The following SIPA1L3 variants were observed in gnomAD, a reference collection of about 807,000 sequenced individuals.
SIPA1L3 encodes signal induced proliferation associated 1 like 3.
Under a neutral mutation model 150.1 loss-of-function variants are expected in SIPA1L3, and 59 were observed. The ratio of observed to expected loss-of-function variants is 0.39; its 90% CI spans 0.32 to 0.49. The LOEUF (loss-of-function observed/expected upper bound fraction) is 0.49, where lower values mean the gene tolerates loss of function less well. Among genes scored for constraint, SIPA1L3 ranks in the 20% least tolerant of loss-of-function variants. SIPA1L3 has a pLI of 0.86. For synonymous variants in SIPA1L3, 1,070 were observed against 1,077.6 expected (o/e 0.99, Z 0.14); for missense variants, 2,211 against 2,489.5 (o/e 0.89, Z 2.38).
chr19:38,090,254 C>T (rs1013442100), intron 4 of SIPA1L3, among the ~76,000 whole-genome samples: 6 of 148,194 alleles, frequency 4.0e-5, no homozygotes, highest in African/African-American at 7.5e-5. Flanking sequence ...TGCTTGAACC[C>T]GGGAGGCAGA....
rs1970045469 is a variant in SIPA1L3 at position 38,083,089 on chromosome 19, C to T, written c.1524C>T (p.Phe508=). 1 of 1,609,150 alleles carries T rather than the reference C, an allele frequency of 6.2e-7. No individual in the cohort carries two copies. The highest frequency in any genetic ancestry group is 8.5e-7 in the Non-Finnish European group (1 of 1,179,104). Residue 508 remains phenylalanine (F), a synonymous_variant, in exon 3 of 22, where the codon TTC becomes TTT. Transcript: ENST00000222345. ...GCGCCCGCTACTACCAGGATTACTT[C>T]GTGGGCAAAGGTGACGGATGGCGTG... ...DLGARYYQDY[F]VGKEHANYFG...
At chr19:38,165,394 C>G (rs1283440159) in intron 15 of SIPA1L3, among the ~76,000 whole-genome samples, 2 of 152,208 alleles carry the variant, frequency 1.3e-5, no homozygotes, top group South Asian at 2.1e-4. Context: ...GATTGGCACT[C>G]TGTGTCTCCC....
intron 10 of SIPA1L3, among the ~76,000 whole-genome samples, chr19:38,132,589 A>AG (rs1971338306): frequency 6.6e-6 from 1 of 151,190 alleles, no homozygotes; most frequent in Non-Finnish European, 1.5e-5. Context: ...CGTCTCAAAA[A>AG]AAAAAAAAAA....
chr19:38,030,600 A>ATT (rs1968625508), intron 2 of SIPA1L3, among the ~76,000 whole-genome samples: 1 of 127,440 alleles, frequency 7.8e-6, no homozygotes, highest in African/African-American at 3.4e-5. Context: ...ATTTACACAT[A>ATT]TTTTATATAT....
At position 38,082,102 on chromosome 19, in the gene SIPA1L3, T is replaced by C. The variant is rs756058039; in HGVS notation, c.537T>C (p.Cys179=). The C allele has an allele frequency of 1.9e-6, 3 of 1,609,688 alleles. No individual in the cohort carries two copies. ...GCAGCGAGATCACCCTCAGCGAGTG[T>C]GACGCGGAGGACGCGGGGGAGCCGC... ...RSSSEITLSE[C]DAEDAGEPRG... is the part of the protein sequence containing the mutation. The change falls in exon 3 of 22, where the codon TGT becomes TGC. Residue 179 remains cysteine (C), a synonymous_variant. Coordinates refer to ENST00000222345, the MANE Select transcript of SIPA1L3 (RefSeq NM_015073.3).
chr19:37,954,691 T>A (rs1246323791), intron 1 of SIPA1L3, among the ~76,000 whole-genome samples: 4 of 152,158 alleles, frequency 2.6e-5, no homozygotes, highest in Non-Finnish European at 2.9e-5. Flanking sequence ...CGGTTTCATA[T>A]GGAGTGGGAA....
At chr19:38,103,733 C>T (rs1452165677) in intron 6 of SIPA1L3, among the ~76,000 whole-genome samples, 1 of 151,146 alleles carries the variant, frequency 6.6e-6, no homozygotes, top group Non-Finnish European at 1.5e-5. Flanking sequence ...ACCATCCTGG[C>T]TAACAGGGTG....
intron 10 of SIPA1L3, among the ~76,000 whole-genome samples, chr19:38,136,980 T>C (rs908687721): frequency 3.3e-5 from 5 of 152,218 alleles, no homozygotes; most frequent in African/African-American, 1.2e-4. Context: ...CTCTGATTTG[T>C]TAAGCAGTTG....
intron 3 of SIPA1L3, among the ~76,000 whole-genome samples, chr19:38,086,454 C>G (rs1018669850): frequency 6.6e-6 from 1 of 151,792 alleles, no homozygotes; most frequent in Non-Finnish European, 1.5e-5. Flanking sequence ...TTTCGGAGGC[C>G]GAGGTAGGAT....
Position 38,117,316 on chromosome 19 carries a change from G to A in SIPA1L3, c.2292-1990G>A, listed in dbSNP as rs369756642. On this transcript the variant is annotated intron_variant, in intron 8 of 21. Transcript: ENST00000222345. ...GCAGGAGACAGATCCCAGTCCGCTC[G>A]CTGCTATAAGGATCACCTAGGGGCT... Among the ~76,000 whole-genome samples, 37 of 152,192 alleles carry A rather than the reference G, an allele frequency of 2.4e-4. No individual in the cohort carries two copies. In the East Asian group the frequency reaches 5.4e-3, roughly 22 times the overall value.
chr19:38,068,604 A>T (rs1202438461), intron 2 of SIPA1L3, among the ~76,000 whole-genome samples: 1 of 152,148 alleles, frequency 6.6e-6, no homozygotes, highest in Non-Finnish European at 1.5e-5. Flanking sequence ...TTGCACCTGT[A>T]ACCCCAGCAT....
intron 16 of SIPA1L3, among the ~76,000 whole-genome samples, chr19:38,188,845 C>G (rs1333680215): frequency 6.6e-6 from 1 of 151,692 alleles, no homozygotes; most frequent in African/African-American, 2.4e-5. Flanking sequence ...ATGGCGTGAA[C>G]CTCGGAGGCG....
chr19:38,123,852 C>T (rs1287706281), intron 9 of SIPA1L3, among the ~76,000 whole-genome samples: 9 of 121,666 alleles, frequency 7.4e-5, no homozygotes, highest in South Asian at 2.6e-4. Flanking sequence ...CGGGCAGAGG[C>T]GCCCCTCACC....
chr19:38,164,607 G>C lies in SIPA1L3; in HGVS notation c.3909G>C (p.Lys1303Asn). 6.2e-7 allele frequency: 1 copy of C among 1,614,130 alleles called. No homozygotes were observed. Among genetic ancestry groups the C allele is most frequent in the Non-Finnish European group, 8.5e-7 (1 of 1,180,006 alleles). The change falls in exon 15 of 22, where the codon AAG becomes AAC. Residue 1303 changes from lysine to asparagine, a missense_variant. This residue lies in a region of SIPA1L3 where 806 missense variants were observed against 870.1 expected (regional missense o/e 0.93). Coordinates refer to ENST00000222345, the MANE Select transcript of SIPA1L3 (RefSeq NM_015073.3). The surrounding 1 kb of genome is among the most constrained non-coding windows in gnomAD (Gnocchi z 4.1). ...PLEPEQDPLS[K>N]GGSSDSGIDT... The stretch of plus-strand genomic sequence containing the variant: ...AGCCAGAGCAAGACCCCCTCTCCAA[G>C]GGTGGCTCTAGTGACAGCGGCATCG...
intron 1 of SIPA1L3, among the ~76,000 whole-genome samples, chr19:38,003,566 G>A (rs1406608870): frequency 1.3e-5 from 2 of 152,104 alleles, no homozygotes; most frequent in Admixed American, 6.6e-5. Context: ...CGAGTTTCCC[G>A]TGCCACCGCC....
chr19:38,048,220 C>T (rs528684137), intron 2 of SIPA1L3, among the ~76,000 whole-genome samples: 1 of 152,260 alleles, frequency 6.6e-6, no homozygotes, highest in East Asian at 1.9e-4. Flanking sequence ...AGTAACAACC[C>T]TGGCACCATC....
intron 2 of SIPA1L3, among the ~76,000 whole-genome samples, chr19:38,054,773 G>GCCT (rs35615330): frequency 0.32 from 48,487 of 151,796 alleles, 8,879 homozygotes; most frequent in African/African-American, 0.5. Context: ...CTCCCACACA[G>GCCT]CCGTGAAGCC....
At position 38,106,558 on chromosome 19, in the gene SIPA1L3, C is replaced by G. The variant is rs758324473; in HGVS notation, c.2051C>G (p.Ser684Cys). The change falls in exon 7 of 22, where the codon TCC (serine) becomes TGC (cysteine). Residue 684 changes from serine to cysteine, a missense_variant. Physicochemically the swap from Ser to Cys is moderately radical, Grantham distance 112. Around this residue, in one of 5 missense-constraint regions of SIPA1L3, gnomAD observed 625 missense variants for 804.2 expected, o/e 0.78. Transcript: ENST00000222345. ...DVKTDSTGTH[S>C]LYTMYQDYEI... ...TCAGCCGACTCCACGGGAACCCACT[C>G]CCTCTACACGATGTACCAGGACTAC... 6.2e-7 allele frequency: 1 copy of G among 1,612,020 alleles called. No individual in the cohort carries two copies.
chr19:37,935,185 A>C (rs2046589767), intron 1 of SIPA1L3, among the ~76,000 whole-genome samples: 1 of 152,302 alleles, frequency 6.6e-6, no homozygotes, highest in South Asian at 2.1e-4. Context: ...AGCATTTTTT[A>C]AATGCTTTTT....
Sources: allele counts gnomAD v4.1 joint callset (sites outside exome capture counted in the v4.1 genomes callset), GRCh38; gene constraint gnomAD v4.1.1; regional missense constraint gnomAD v4.1.1; non-coding constraint Gnocchi (gnomAD v3.1); transcripts MANE v1.5; gene names NCBI Gene and HGNC (gene_info 2026-07-23, HGNC 2026-07-21).